COL11A1: variants seen among roughly 807,000 people sequenced by gnomAD.
COL11A1 encodes the protein collagen type XI alpha 1 chain, also known as collagen alpha-1(XI) chain.
A neutral mutation model predicts 265.2 loss-of-function variants in COL11A1; 74 were observed. The ratio of observed to expected loss-of-function variants is 0.28; its 90% CI spans 0.23 to 0.34. COL11A1 has a LOEUF of 0.34. COL11A1 is among the 10% of genes least tolerant of loss of function. COL11A1 has a pLI of 1.00. For synonymous variants in COL11A1, 816 were observed against 727.6 expected (o/e 1.12, Z -1.96); for missense variants, 2,165 against 2,263.6 (o/e 0.96, Z 0.88).
intron 54 of COL11A1, among the ~76,000 whole-genome samples, chr1:102,909,285 C>G (rs954196371): frequency 2.0e-5 from 3 of 152,244 alleles, no homozygotes; most frequent in Admixed American, 2.0e-4. Context: ...CTGCACACAC[C>G]CCCTCTGCTT....
intron 58 of COL11A1, among the ~76,000 whole-genome samples, chr1:102,890,001 A>G (rs1651544505): frequency 6.6e-6 from 1 of 152,156 alleles, no homozygotes; most frequent in Non-Finnish European, 1.5e-5. Flanking sequence ...AAAATAATCC[A>G]AACAATAATA....
intron 4 of COL11A1, among the ~76,000 whole-genome samples, chr1:103,038,524 A>G (rs927527760): frequency 6.6e-6 from 1 of 152,112 alleles, no homozygotes; most frequent in African/African-American, 2.4e-5. Context: ...GCAGCACATT[A>G]GAGGGAAGGA....
intron 1 of COL11A1, among the ~76,000 whole-genome samples, chr1:103,107,292 C>T (rs1245706080): frequency 2.6e-5 from 4 of 151,740 alleles, no homozygotes; most frequent in Non-Finnish European, 5.9e-5. Flanking sequence ...CCTTCCCTCC[C>T]AATCCCTAGT....
chr1:103,078,554 A>G, intron 3 of COL11A1, 104 bp downstream of exon 3: 1 of 1,043,178 alleles, frequency 9.6e-7, no homozygotes, highest in Non-Finnish European at 1.5e-6. Context: ...ATTTATCACC[A>G]GCCTCTAGAA....
At chr1:102,929,343 T>C (rs1296740549) in intron 46 of COL11A1, among the ~76,000 whole-genome samples, 2 of 152,168 alleles carry the variant, frequency 1.3e-5, no homozygotes, top group African/African-American at 4.8e-5. Flanking sequence ...ATTTATTAAA[T>C]AGGGAATCCT....
chr1:102,951,473 G>A (rs760338905), intron 41 of COL11A1, among the ~76,000 whole-genome samples: 2 of 152,126 alleles, frequency 1.3e-5, no homozygotes, highest in Non-Finnish European at 1.5e-5. Flanking sequence ...CAAGGCGGGC[G>A]GATCACGAGG....
At position 103,074,641 on chromosome 1, in the gene COL11A1, T is replaced by C. The variant is rs779282500; in HGVS notation, c.628A>G (p.Ile210Val). The change falls in exon 4 of 67, where the codon ATT becomes GTT. Residue 210 changes from isoleucine (I) to valine (V), a missense_variant. Physicochemically the swap from Ile to Val is conservative, Grantham distance 29. Transcript: ENST00000370096. ...ACCTCAAAAACTTCTTCATCCAAAA[T>C]CCTTGTTCCAAAAACCGTGATTCCA... The part of the protein sequence containing the change: ...TNGITVFGTR[I>V]LDEEVFEGDI... 1.2e-5 allele frequency: 19 copies of C among 1,613,138 alleles called. No homozygotes were observed. The East Asian group carries it at 3.6e-4, about 30-fold the overall frequency.
intron 4 of COL11A1, among the ~76,000 whole-genome samples, chr1:103,071,061 A>C (rs1364593764): frequency 1.3e-5 from 2 of 151,946 alleles, no homozygotes; most frequent in Admixed American, 6.6e-5. Flanking sequence ...TCTCCACAGA[A>C]AATTGAATTC....
Position 102,997,140 on chromosome 1 carries a change from A to G in COL11A1, c.2197-16T>C. 6.2e-7 allele frequency: 1 copy of G among 1,600,624 alleles called. No individual in the cohort carries two copies. Among genetic ancestry groups the G allele is most frequent in the Non-Finnish European group, 8.6e-7 (1 of 1,168,134 alleles). On this transcript the variant is annotated splice_polypyrimidine_tract_variant and intron_variant, in intron 25 of 66. Coordinates refer to ENST00000370096, the MANE Select transcript of COL11A1 (RefSeq NM_001854.4). ...CAGGATGACCCTATATTTAGCAAAA[A>G]CATACACTGATAAGATGTAATATAA... is the stretch of plus-strand genomic sequence containing the variant.
chr1:102,934,591 A>T, intron 45 of COL11A1, 35 bp from the exon 46 acceptor site: 1 of 1,503,020 alleles, frequency 6.7e-7, no homozygotes. Flanking sequence ...CACAAACTGG[A>T]AAAAATCATT....
chr1:102,885,702 T>TA (rs199535692), intron 63 of COL11A1, among the ~76,000 whole-genome samples: 2,078 of 152,218 alleles, frequency 0.014, 57 homozygotes, highest in African/African-American at 0.048. Context: ...TGATATATCT[T>TA]ACATGGTTTT....
In COL11A1 at chr1:103,035,191, C is replaced by G. The variant is rs545743973; in HGVS notation, c.652-3947G>C. ...TCTCCTCAGGTCTTTCCTGGACAGTCACACAGGTATCCTAGATGATCAGAT... is the reference window on the plus strand; with the variant it reads ...TCTCCTCAGGTCTTTCCTGGACAGTGACACAGGTATCCTAGATGATCAGAT... On this transcript the variant is annotated intron_variant, in intron 4 of 66. Transcript: ENST00000370096. Among the ~76,000 whole-genome samples, 3 of 152,174 alleles carry G rather than the reference C, an allele frequency of 2.0e-5. No homozygotes were observed. The South Asian group carries it at 6.2e-4, about 32-fold the overall frequency.
At chr1:103,028,330 A>T (rs11164657) in intron 5 of COL11A1, among the ~76,000 whole-genome samples, 1 of 151,964 alleles carries the variant, frequency 6.6e-6, no homozygotes, top group Non-Finnish European at 1.5e-5. Flanking sequence ...CACTGCGCCC[A>T]GCCGGCACAT....
intron 63 of COL11A1, among the ~76,000 whole-genome samples, chr1:102,885,072 G>A (rs564969873): frequency 9.2e-4 from 140 of 152,208 alleles, no homozygotes; most frequent in Non-Finnish European, 1.6e-3. Flanking sequence ...TTCCCTACTC[G>A]GATTAGTATC....
intron 4 of COL11A1, among the ~76,000 whole-genome samples, chr1:103,061,533 A>G (rs1415759136): frequency 6.6e-6 from 1 of 152,148 alleles, no homozygotes; most frequent in Admixed American, 6.5e-5. Context: ...ACAAATATAC[A>G]TAATCCAATA....
chr1:102,919,113 G>A (rs1383917020), intron 49 of COL11A1, among the ~76,000 whole-genome samples: 5 of 151,870 alleles, frequency 3.3e-5, no homozygotes, highest in African/African-American at 9.7e-5. Flanking sequence ...GATGAAAAAT[G>A]TTTTCTAGGA....
At chr1:103,027,167 G>C (rs1310049889) in intron 5 of COL11A1, among the ~76,000 whole-genome samples, 1 of 150,724 alleles carries the variant, frequency 6.6e-6, no homozygotes, top group Non-Finnish European at 1.5e-5. Flanking sequence ...TTTAATTAAG[G>C]AGAGATATGT....
rs374238379 is a variant in COL11A1, at chr1:102,962,296, G to T, written c.3025-31C>A. 1.6e-5 allele frequency: 24 copies of T among 1,514,508 alleles called. No individual in the cohort carries two copies. The African/African-American group carries it at 3.2e-4, about 20-fold the overall frequency. 93.8% of individuals were successfully genotyped at this position (1,514,508 alleles called of 1,614,324 possible). ...GAATATAATAAACATCGTCAAGACA[G>T]ATTAATTTCTACACATCTTTCTACA... On this transcript the variant is annotated intron_variant, in intron 39 of 66. Transcript: ENST00000370096.
intron 31 of COL11A1, 44 bp from the exon 32 acceptor site, chr1:102,979,479 AT>A: frequency 1.6e-6 from 2 of 1,263,700 alleles, no homozygotes; most frequent in Non-Finnish European, 2.3e-6. Flanking sequence ...GGCAATTAAC[AT>A]TTTCAGTCAC....
Sources: allele counts gnomAD v4.1 joint callset (sites outside exome capture counted in the v4.1 genomes callset), GRCh38; gene constraint gnomAD v4.1.1; transcripts MANE v1.5; gene names NCBI Gene and HGNC (gene_info 2026-07-23, HGNC 2026-07-21).